Variants in SETD2 observed in about 807,000 individuals in gnomAD.
SETD2 encodes histone-lysine N-methyltransferase SETD2.
SETD2 carries 31 observed loss-of-function variants against 242.1 expected under a neutral mutation model. The observed-to-expected ratio is 0.13, with a 90% CI of 0.10 to 0.17. The LOEUF (loss-of-function observed/expected upper bound fraction) is 0.17, where lower values mean the gene tolerates loss of function less well. Ranked by LOEUF, SETD2 falls within the 10% of genes least tolerant of loss-of-function variation. SETD2 has a pLI of 1.00. For synonymous variants in SETD2, 1,006 were observed against 1,066.5 expected (o/e 0.94, Z 1.11); for missense variants, 2,481 against 3,046.3 (o/e 0.81, Z 4.37).
intron 15 of SETD2, among the ~76,000 whole-genome samples, chr3:47,048,139 G>A (rs1008350562): frequency 5.3e-5 from 8 of 152,040 alleles, no homozygotes; most frequent in East Asian, 3.9e-4. Flanking sequence ...CCTGCAACCC[G>A]AGCACTTTGG....
chr3:47,105,709 C>A, intron 6 of SETD2: 1 of 439,450 alleles, frequency 2.3e-6, no homozygotes, highest in South Asian at 1.7e-5. Context: ...TCGAGACCAG[C>A]CTGGCCAACG....
chr3:47,037,822 G>T, intron 17 of SETD2, 45 bp from the exon 18 acceptor site: 1 of 1,346,982 alleles, frequency 7.4e-7, no homozygotes, highest in South Asian at 1.2e-5. Flanking sequence ...CTAGGAAACA[G>T]AGAATCCTGA....
At chr3:47,021,176 C>CCTTA (rs749026646) in intron 18 of SETD2, among the ~76,000 whole-genome samples, 22 of 152,004 alleles carry the variant, frequency 1.4e-4, no homozygotes, top group Non-Finnish European at 3.1e-4. Context: ...CACAGTAAGA[C>CCTTA]CTTAGGTAGC....
chr3:47,155,700 G>A (rs1233048717), intron 1 of SETD2, among the ~76,000 whole-genome samples: 3 of 152,262 alleles, frequency 2.0e-5, no homozygotes, highest in African/African-American at 7.2e-5. Flanking sequence ...TATCTACTCA[G>A]GACACTGAGG....
In SETD2 at chr3:47,108,238, T is replaced by C. The variant is rs776341717; in HGVS notation, c.4716-2118A>G. On this transcript the variant is annotated intron_variant, in intron 5 of 20. Transcript: ENST00000409792. The stretch of plus-strand genomic sequence containing the variant: ...AATGTGGTGACTACAAAACATATAT[T>C]ATCCAGGATCTGGAACTGCACACAT... 3.8e-4 allele frequency among the ~76,000 whole-genome samples: 58 copies of C among 152,192 alleles called. 1 individual carries two copies. Among genetic ancestry groups the C allele is most frequent in the Admixed American group, 2.0e-4 (3 of 15,272 alleles).
At chr3:47,142,431 C>A (rs2043751581) in intron 1 of SETD2, among the ~76,000 whole-genome samples, 1 of 152,022 alleles carries the variant, frequency 6.6e-6, no homozygotes, top group African/African-American at 2.4e-5. Context: ...ACTGCTTGAG[C>A]CCCAGAGGCC....
chr3:47,025,480 G>C (rs1467805735), intron 18 of SETD2, among the ~76,000 whole-genome samples: 1 of 152,126 alleles, frequency 6.6e-6, no homozygotes, highest in Non-Finnish European at 1.5e-5. Context: ...TGACTCCCAA[G>C]TACCTATTAT....
chr3:47,108,556 A>C (rs1221144560), intron 5 of SETD2, among the ~76,000 whole-genome samples: 2 of 152,234 alleles, frequency 1.3e-5, no homozygotes, highest in Admixed American at 6.5e-5. Flanking sequence ...TAAAATATTC[A>C]ATTCTAATGA....
At chr3:47,058,019 T>C (rs545619121) in intron 14 of SETD2, among the ~76,000 whole-genome samples, 18 of 151,942 alleles carry the variant, frequency 1.2e-4, no homozygotes, top group Admixed American at 2.0e-4. Context: ...GAAAGACATA[T>C]ACAAAGAGAG....
At chr3:47,053,236 A>C (rs6775797) in intron 15 of SETD2, among the ~76,000 whole-genome samples, 6,443 of 152,268 alleles carry the variant, frequency 0.042, 472 homozygotes, top group African/African-American at 0.15. Context: ...GAGAAGGTCC[A>C]ATAGGTTATA....
chr3:47,156,794 CTT>C (rs2044136549), intron 1 of SETD2, among the ~76,000 whole-genome samples: 1 of 152,174 alleles, frequency 6.6e-6, no homozygotes, highest in East Asian at 1.9e-4. Flanking sequence ...CCACATGATA[CTT>C]TCTCTCAGTT....
chr3:47,144,434 C>G (rs960106223), intron 1 of SETD2, among the ~76,000 whole-genome samples: 1 of 151,564 alleles, frequency 6.6e-6, no homozygotes, highest in African/African-American at 2.4e-5. Context: ...GTCAAGAGAG[C>G]GAGACCATCC....
intron 12 of SETD2, among the ~76,000 whole-genome samples, chr3:47,069,503 T>C (rs891995467): frequency 3.3e-5 from 5 of 152,200 alleles, no homozygotes; most frequent in African/African-American, 1.2e-4. Context: ...GCGTATTTTT[T>C]AGAAGCTCCT....
At chr3:47,068,586 T>C in intron 12 of SETD2, among the ~76,000 whole-genome samples, 1 of 147,882 alleles carries the variant, frequency 6.8e-6, no homozygotes, top group East Asian at 2.0e-4. Flanking sequence ...AACCTCTGCC[T>C]CCTGGGTTCA....
At chr3:47,041,615 T>C (rs1478603474) in intron 17 of SETD2, among the ~76,000 whole-genome samples, 4 of 152,050 alleles carry the variant, frequency 2.6e-5, no homozygotes, top group African/African-American at 7.2e-5. Flanking sequence ...TTACGTAAGA[T>C]TATATAGATG....
At chr3:47,143,736 G>A (rs914643900) in intron 1 of SETD2, among the ~76,000 whole-genome samples, 1 of 151,402 alleles carries the variant, frequency 6.6e-6, no homozygotes, top group Non-Finnish European at 1.5e-5. Context: ...ATTTTGAGAC[G>A]GAGTCTCGCT....
chr3:47,137,657 T>C (rs1252527545), intron 1 of SETD2, among the ~76,000 whole-genome samples: 2 of 152,164 alleles, frequency 1.3e-5, no homozygotes, highest in Admixed American at 6.5e-5. Flanking sequence ...TTAGAAGATA[T>C]GGAGCACTCA....
Position 47,084,218 on chromosome 3 carries a change from T to C in SETD2, c.5562A>G (p.Pro1854=), listed in dbSNP as rs1339181529. ...SSENTSRAHT[P]LNTPDPSTKL... is the part of the protein sequence containing the mutation. ...TGGTGGAAGGATCAGGTGTGTTGAG[T>C]GGTGTATGAGCACGCGATGTATTCT... The change falls in exon 12 of 21, where the codon CCA becomes CCG. Residue 1854 remains proline, a synonymous_variant. Coordinates refer to ENST00000409792, the MANE Select transcript of SETD2 (RefSeq NM_014159.7). 2.5e-6 allele frequency: 4 copies of C among 1,614,024 alleles called. No homozygotes were observed. The highest frequency in any genetic ancestry group is 3.4e-6 in the Non-Finnish European group (4 of 1,179,992).
chr3:47,107,081 A>T (rs988760193), intron 5 of SETD2, among the ~76,000 whole-genome samples: 27 of 152,288 alleles, frequency 1.8e-4, no homozygotes, highest in African/African-American at 6.3e-4. Context: ...TTAAATTATC[A>T]GTCTTTTCCC....
Sources: gnomAD v4.1 joint callset for allele counts (sites outside exome capture counted in the v4.1 genomes callset) on GRCh38, gnomAD v4.1.1 for gene constraint, MANE v1.5 for transcripts, NCBI Gene and HGNC (gene_info 2026-07-23, HGNC 2026-07-21) for gene names.